The following MEAK7 variants were observed in gnomAD, a reference collection of about 807,000 sequenced individuals.
MEAK7 encodes MTOR associated protein MEAK7, also known as MTOR-associated protein MEAK7.
Under a neutral mutation model 40.5 loss-of-function variants are expected in MEAK7, and 68 were observed. That is an observed-to-expected ratio of 1.68 (90% CI 1.38 to 2.06). The LOEUF is 2.06. Ranked by LOEUF, MEAK7 falls within the 30% of genes most tolerant of loss-of-function variation. The pLI, the probability that MEAK7 is intolerant of heterozygous loss-of-function variation, is 0.00. For synonymous variants in MEAK7, 338 were observed against 231.9 expected, an observed-to-expected ratio of 1.46 and a Z score of -4.16; for missense variants, 918 against 580.5, an observed-to-expected ratio of 1.58 and a Z score of -5.98.
At position 84,501,674 on chromosome 16, in the gene MEAK7, G is replaced by A. The variant is rs540245380; in HGVS notation, c.-26+2927C>T. On this transcript the variant is annotated intron_variant, in intron 1 of 7. Transcript: ENST00000343629. ...GCAGGAGAGAGGAGGTTGCATGGGA[G>A]GCCCCAGTAGGAACCCCAGGGCTGG... 1.4e-4 allele frequency among the ~76,000 whole-genome samples: 21 copies of A among 152,242 alleles called. No homozygotes were observed. The East Asian group carries it at 3.1e-3, about 23-fold the overall frequency.
intron 1 of MEAK7, among the ~76,000 whole-genome samples, chr16:84,502,435 G>T (rs1432448576): frequency 6.6e-6 from 1 of 152,138 alleles, no homozygotes; most frequent in Non-Finnish European, 1.5e-5. Flanking sequence ...TTCTGAGGAT[G>T]TAGGGCAGCG....
intron 7 of MEAK7, 86 bp from the exon 8 acceptor site, chr16:84,480,112 G>C: frequency 2.7e-6 from 3 of 1,105,080 alleles, no homozygotes; most frequent in African/African-American, 1.6e-5. Flanking sequence ...GCCTTCTTGG[G>C]TGGAATCAGG....
chr16:84,489,531 A>G, intron 3 of MEAK7, 109 bp from the exon 4 acceptor site: 1 of 1,271,792 alleles, frequency 7.9e-7, no homozygotes. Flanking sequence ...ATGATGGGCC[A>G]CAATGTGGGG....
Position 84,476,769 on chromosome 16 carries a change from G to A in MEAK7, c.*3144C>T, listed in dbSNP as rs1162921687. The stretch of plus-strand genomic sequence containing the variant: ...ATGCCCAGGTGTGCACCAAGTCACA[G>A]GGAGGAGACCTGAGTGATTTTTGCA... On this transcript the variant is annotated 3_prime_UTR_variant, in exon 8 of 8. Transcript: ENST00000343629. The A allele has an allele frequency of 2.6e-5, 4 of 152,248 alleles. No individual in the cohort carries two copies. Among genetic ancestry groups the A allele is most frequent in the East Asian group, 1.9e-4 (1 of 5,202 alleles). 9.4% of individuals were successfully genotyped at this position (152,248 alleles called of 1,614,324 possible).
At chr16:84,503,826 G>T (rs1358875478) in intron 1 of MEAK7, 1 of 608,784 alleles carries the variant, frequency 1.6e-6, no homozygotes, top group Non-Finnish European at 2.1e-6. Flanking sequence ...TCCTAGGAAT[G>T]GCTTAGTCAC....
In MEAK7 at chr16:84,479,854, G is replaced by A. The variant is rs1237554838; in HGVS notation, c.*59C>T. On this transcript the variant is annotated 3_prime_UTR_variant, in exon 8 of 8. Coordinates refer to ENST00000343629, the MANE Select transcript of MEAK7 (RefSeq NM_020947.4). ...ATGTGGGAGGGAAGAGGGGCTGCAGGCGTTGCCCTCTACCCAGAGGAATCC... is the reference window on the plus strand; with the variant it reads ...ATGTGGGAGGGAAGAGGGGCTGCAGACGTTGCCCTCTACCCAGAGGAATCC... The A allele has an allele frequency of 1.5e-6, 2 of 1,329,200 alleles. No homozygotes were observed. Among genetic ancestry groups the A allele is most frequent in the African/African-American group, 1.5e-5 (1 of 68,312 alleles). 82.3% of individuals were successfully genotyped at this position (1,329,200 alleles called of 1,614,324 possible). A position where few individuals can be genotyped will look rare whatever the true frequency, so the allele number is the denominator to read the frequency against.
chr16:84,498,736 A>G (rs1433255971), intron 1 of MEAK7, among the ~76,000 whole-genome samples: 5 of 152,204 alleles, frequency 3.3e-5, no homozygotes, highest in South Asian at 2.1e-4. Context: ...GGACAAAAAA[A>G]TCTGTATTTT....
Position 84,477,680 on chromosome 16 carries a change from G to A in MEAK7, c.*2233C>T, listed in dbSNP as rs965215524. 1.3e-5 allele frequency: 2 copies of A among 151,782 alleles called. No homozygotes were observed. The highest frequency in any genetic ancestry group is 4.9e-5 in the African/African-American group (2 of 41,224). The allele number at this position is 151,782 out of a possible 1,614,324, so 9.4% of individuals were successfully genotyped here. ...CCTTAGAACCTGAATTCTCATTCTGGTTTCACAAAAGAACAAACTATTCAT... is the reference window on the plus strand; with the variant it reads ...CCTTAGAACCTGAATTCTCATTCTGATTTCACAAAAGAACAAACTATTCAT... On this transcript the variant is annotated 3_prime_UTR_variant, in exon 8 of 8. Coordinates refer to ENST00000343629, the MANE Select transcript of MEAK7 (RefSeq NM_020947.4).
chr16:84,504,552 G>T, intron 1 of MEAK7, 49 bp downstream of exon 1: 1 of 974,652 alleles, frequency 1.0e-6, no homozygotes. Context: ...ACTCAGCTGG[G>T]CCTGCGCCTC....
At chr16:84,484,472 C>T (rs1348107892) in intron 5 of MEAK7, among the ~76,000 whole-genome samples, 3 of 152,208 alleles carry the variant, frequency 2.0e-5, no homozygotes, top group African/African-American at 7.2e-5. Context: ...ACTCAAAATC[C>T]TGTGTTCAAT....
chr16:84,501,362 G>T (rs1004311760), intron 1 of MEAK7, among the ~76,000 whole-genome samples: 5 of 152,062 alleles, frequency 3.3e-5, no homozygotes, highest in Admixed American at 2.6e-4. Flanking sequence ...TGCAGCAGAA[G>T]GGGGCCCAGG....
chr16:84,498,015 A>G lies in MEAK7; in HGVS notation c.72T>C (p.Ile24=). ...ATGACAGAGCATCAAACAATTGATCAATCTCTGCCTGTTCCTCAGGAAGAA... is the reference window on the plus strand; with the variant it reads ...ATGACAGAGCATCAAACAATTGATCGATCTCTGCCTGTTCCTCAGGAAGAA... The part of the protein sequence containing the change: ...SQFLPEEQAE[I]DQLFDALSSD... Residue 24 remains isoleucine (I), a synonymous_variant, in exon 2 of 8, where the codon ATT becomes ATC. Transcript: ENST00000343629. The G allele has an allele frequency of 1.2e-6, 2 of 1,614,202 alleles. No homozygotes were observed. The highest frequency in any genetic ancestry group is 1.7e-6 in the Non-Finnish European group (2 of 1,180,038).
rs766209395 is a variant in MEAK7, at chr16:84,489,513, C to A, written c.385-91G>T. Reference sequence around the variant, plus strand: ...CATGGAGAAGGGCAATTTTCTTTAACACCAACTATGATGGGCCACAATGTG... The same window carrying A: ...CATGGAGAAGGGCAATTTTCTTTAAAACCAACTATGATGGGCCACAATGTG... On this transcript the variant is annotated intron_variant, in intron 3 of 7. Transcript: ENST00000343629. The A allele has an allele frequency of 1.1e-5, 16 of 1,424,964 alleles. No individual in the cohort carries two copies. In the Admixed American group the frequency reaches 1.2e-4, roughly 10 times the overall value. The allele number at this position is 1,424,964 out of a possible 1,614,324, so 88.3% of individuals were successfully genotyped here.
At position 84,479,601 on chromosome 16, in the gene MEAK7, G is replaced by C; in HGVS notation, c.*312C>G. 4.3e-6 allele frequency: 1 copy of C among 233,070 alleles called. No individual in the cohort carries two copies. Among genetic ancestry groups the C allele is most frequent in the Non-Finnish European group, 8.3e-6 (1 of 121,162 alleles). The allele number at this position is 233,070 out of a possible 1,614,324, so 14.4% of individuals were successfully genotyped here. A position where few individuals can be genotyped will look rare whatever the true frequency, so the allele number is the denominator to read the frequency against. ...GGTCTGAAAGGTCTCAGCTGCTTAG[G>C]ATTTCGTTGGTAAAAAAGAACAAAG... is the stretch of plus-strand genomic sequence containing the variant. On this transcript the variant is annotated 3_prime_UTR_variant, in exon 8 of 8. Coordinates refer to ENST00000343629, the MANE Select transcript of MEAK7 (RefSeq NM_020947.4).
At chr16:84,503,577 T>C (rs1352038662) in intron 1 of MEAK7, among the ~76,000 whole-genome samples, 4 of 152,208 alleles carry the variant, frequency 2.6e-5, no homozygotes, top group Admixed American at 1.3e-4. Flanking sequence ...CATTAATTAA[T>C]TTCTTTAACA....
Position 84,486,635 on chromosome 16 carries a change from A to T in MEAK7, c.954T>A (p.Phe318Leu). The T allele has an allele frequency of 6.2e-7, 1 of 1,603,220 alleles. No individual in the cohort carries two copies. The highest frequency in any genetic ancestry group is 8.5e-7 in the Non-Finnish European group (1 of 1,174,834). ...GTTCAGGACACCAAGTCTTACCTTG[A>T]AACTGAGGCTTCACCTCCCAAGAGC... The part of the protein sequence containing the change: ...ASCSWEVKPQ[F>L]QGDNRCFLFS... Residue 318 changes from phenylalanine (F) to leucine (L), a missense_variant, in exon 5 of 8, where the codon TTT becomes TTA. Phe to Leu is a conservative substitution (Grantham distance 22). Coordinates refer to ENST00000343629, the MANE Select transcript of MEAK7 (RefSeq NM_020947.4).
intron 2 of MEAK7, among the ~76,000 whole-genome samples, chr16:84,496,876 C>T (rs986662424): frequency 6.6e-6 from 1 of 152,176 alleles, no homozygotes; most frequent in Admixed American, 6.5e-5. Context: ...ATTCTAGCAG[C>T]TGCCATTTGC....
intron 5 of MEAK7, chr16:84,486,217 C>T (rs935626440): frequency 5.9e-6 from 1 of 169,720 alleles, no homozygotes; most frequent in Non-Finnish European, 1.3e-5. Flanking sequence ...TCATCCAGTG[C>T]ATTCAAGGTC....
chr16:84,477,790 A>G lies in MEAK7; in HGVS notation c.*2123T>C, dbSNP rs8053110. 6.6e-6 allele frequency: 1 copy of G among 151,856 alleles called. No individual in the cohort carries two copies. Among genetic ancestry groups the G allele is most frequent in the Admixed American group, 6.6e-5 (1 of 15,254 alleles). The allele number at this position is 151,856 out of a possible 1,614,324, so 9.4% of individuals were successfully genotyped here. A position where few individuals can be genotyped will look rare whatever the true frequency, so the allele number is the denominator to read the frequency against. ...GCCCCAGCCCTGCACACGCCCTAAA[A>G]AGGTTTGAGTGTCCAGAGGCAGAAC... On this transcript the variant is annotated 3_prime_UTR_variant, in exon 8 of 8. Coordinates refer to ENST00000343629, the MANE Select transcript of MEAK7 (RefSeq NM_020947.4).
Sources: allele counts gnomAD v4.1 joint callset (sites outside exome capture counted in the v4.1 genomes callset), GRCh38; gene constraint gnomAD v4.1.1; transcripts MANE v1.5; gene names NCBI Gene and HGNC (gene_info 2026-07-23, HGNC 2026-07-21).